Variants in B4GALNT3 observed in about 807,000 individuals in gnomAD.
B4GALNT3 encodes beta-1,4-N-acetyl-galactosaminyltransferase 3.
Under a neutral mutation model 120.2 loss-of-function variants are expected in B4GALNT3, and 86 were observed. The observed-to-expected ratio is 0.72, with a 90% CI of 0.60 to 0.86. The LOEUF (loss-of-function observed/expected upper bound fraction) is 0.86, where lower values mean the gene tolerates loss of function less well. Ranked by LOEUF, B4GALNT3 falls within the 40% of genes least tolerant of loss-of-function variation. B4GALNT3 has a pLI of 0.00. For missense variants in B4GALNT3, 1,167 were observed against 1,298.9 expected, an observed-to-expected ratio of 0.90 and a Z score of 1.56; for synonymous variants, 518 against 510.4, an observed-to-expected ratio of 1.01 and a Z score of -0.20.
chr12:539,718 C>T (rs1451301258), intron 3 of B4GALNT3, among the ~76,000 whole-genome samples: 1 of 151,968 alleles, frequency 6.6e-6, no homozygotes, highest in African/African-American at 2.4e-5. Flanking sequence ...TTTGAGACCA[C>T]CCTGGACAGC....
At chr12:519,558 A>G (rs563873800) in intron 1 of B4GALNT3, among the ~76,000 whole-genome samples, 5 of 147,356 alleles carry the variant, frequency 3.4e-5, no homozygotes, top group African/African-American at 1.3e-4. Context: ...TTCTCCTAGT[A>G]TTGGCTCCTT....
intron 1 of B4GALNT3, among the ~76,000 whole-genome samples, chr12:462,062 C>T (rs953325854): frequency 6.6e-6 from 1 of 152,176 alleles, no homozygotes; most frequent in Non-Finnish European, 1.5e-5. Flanking sequence ...GCCCCTTCCT[C>T]TGATGACCAA....
chr12:501,848 G>A lies in B4GALNT3; in HGVS notation c.170-33318G>A, dbSNP rs139969802. Among the ~76,000 whole-genome samples the A allele has an allele frequency of 2.6e-4, 40 of 152,308 alleles. 7 individuals carry two copies. The highest frequency in any genetic ancestry group is 3.9e-4 in the Admixed American group (6 of 15,300). On this transcript the variant is annotated intron_variant, in intron 1 of 19. Transcript: ENST00000266383. ...CTGGGAACCATGCTGTTCTCTTGTC[G>A]GTCATCTCTGCCTGTGTTTCTTCAC...
rs578179895 is a variant in B4GALNT3, at chr12:549,642, G to A, written c.854-127G>A. On this transcript the variant is annotated intron_variant, in intron 9 of 19. Transcript: ENST00000266383. ...CGGGGGCCAGAGGGAGTGTGGCTGC[G>A]CACATCCTACACCGTCGCCGCTGGA... is the stretch of plus-strand genomic sequence containing the variant. 391 of 1,210,166 alleles carry A rather than the reference G, an allele frequency of 3.2e-4. 3 individuals carry two copies. The South Asian group carries it at 4.1e-3, about 13-fold the overall frequency. The allele number at this position is 1,210,166 out of a possible 1,614,324, so 75.0% of individuals were successfully genotyped here. A position where few individuals can be genotyped will look rare whatever the true frequency, so the allele number is the denominator to read the frequency against.
At position 546,197 on chromosome 12, in the gene B4GALNT3, G is replaced by A. The variant is rs563348956; in HGVS notation, c.640-449G>A. On this transcript the variant is annotated intron_variant, in intron 6 of 19. Transcript: ENST00000266383. ...AGGGAGCAGTGAGAAGTGGGCAGGGGGTGTGAGAGGAGGGAGGGGGGTGTG... is the reference window on the plus strand; with the variant it reads ...AGGGAGCAGTGAGAAGTGGGCAGGGAGTGTGAGAGGAGGGAGGGGGGTGTG... Among the ~76,000 whole-genome samples, 257 of 103,452 alleles carry A rather than the reference G, an allele frequency of 2.5e-3. 2 individuals are homozygous for A. Among genetic ancestry groups the A allele is most frequent in the African/African-American group, 9.3e-3 (252 of 27,052 alleles). The allele number at this position is 103,452 out of a possible 152,430, so 67.9% of individuals were successfully genotyped here.
intron 1 of B4GALNT3, among the ~76,000 whole-genome samples, chr12:497,750 C>G (rs932417788): frequency 6.6e-6 from 1 of 152,182 alleles, no homozygotes; most frequent in African/African-American, 2.4e-5. Flanking sequence ...ACCTCCCGCT[C>G]TTTGTGTCTA....
Position 492,114 on chromosome 12 carries a change from ACT to A in B4GALNT3, c.169+31570_169+31571del, listed in dbSNP as rs1946346989. Among the ~76,000 whole-genome samples the A allele has an allele frequency of 3.3e-5, 5 of 152,022 alleles. No individual in the cohort carries two copies. The South Asian group carries it at 8.3e-4, about 25-fold the overall frequency. On this transcript the variant is annotated intron_variant, in intron 1 of 19. Transcript: ENST00000266383. ...TCTCACTGCTCCTTTTCAACATTAT[ACT>A]GGAAGTCCTATCTAATGCAATAAGA...
At chr12:478,298 T>A (rs961016402) in intron 1 of B4GALNT3, among the ~76,000 whole-genome samples, 379 of 109,300 alleles carry the variant, frequency 3.5e-3, no homozygotes, top group African/African-American at 5.4e-3. Context: ...AAAAAAAAAA[T>A]ATTCAAGCCT....
chr12:520,759 C>T (rs983078759), intron 1 of B4GALNT3, among the ~76,000 whole-genome samples: 1 of 147,776 alleles, frequency 6.8e-6, no homozygotes, highest in Non-Finnish European at 1.5e-5. Context: ...CCACTGCGCT[C>T]CAGCCTGGGT....
intron 4 of B4GALNT3, 85 bp downstream of exon 4, chr12:544,519 T>C (rs1946967068): frequency 2.4e-6 from 3 of 1,243,426 alleles, no homozygotes; most frequent in African/African-American, 3.0e-5. Context: ...CCTTACATCT[T>C]TTCTGGTCCA....
chr12:544,018 C>T (rs183913138), intron 3 of B4GALNT3, among the ~76,000 whole-genome samples: 55 of 70,838 alleles, frequency 7.8e-4, no homozygotes, highest in African/African-American at 2.2e-3. Flanking sequence ...CTCATCTTCC[C>T]GGAGCTGAGG....
At chr12:512,591 G>A (rs1252306066) in intron 1 of B4GALNT3, among the ~76,000 whole-genome samples, 1 of 28,420 alleles carries the variant, frequency 3.5e-5, no homozygotes, top group Non-Finnish European at 6.7e-5. Context: ...TTCCACCTTC[G>A]AGCTTCCACC....
intron 1 of B4GALNT3, among the ~76,000 whole-genome samples, chr12:528,997 G>A (rs1231312199): frequency 3.9e-5 from 6 of 152,178 alleles, no homozygotes; most frequent in Non-Finnish European, 7.4e-5. Context: ...AGCCAATCAT[G>A]TACGTTCACC....
rs992705224 is a variant in B4GALNT3 at position 521,821 on chromosome 12, G to A, written c.170-13345G>A. 5.3e-5 allele frequency among the ~76,000 whole-genome samples: 8 copies of A among 152,276 alleles called. No homozygotes were observed. The South Asian group carries it at 6.2e-4, about 12-fold the overall frequency. ...AACCAACAGTTCGCAGACCTCTATC[G>A]GCACTGAGCTGGAGCTTCCATGGGA... On this transcript the variant is annotated intron_variant, in intron 1 of 19. Coordinates refer to ENST00000266383, the MANE Select transcript of B4GALNT3 (RefSeq NM_173593.4).
chr12:506,101 G>A (rs1946494706), intron 1 of B4GALNT3, among the ~76,000 whole-genome samples: 2 of 85,250 alleles, frequency 2.3e-5, no homozygotes, highest in African/African-American at 7.3e-5. Context: ...ATTCTATGCA[G>A]TTCAGATTTT....
intron 1 of B4GALNT3, among the ~76,000 whole-genome samples, chr12:464,560 A>G (rs1380701655): frequency 6.6e-6 from 1 of 152,078 alleles, no homozygotes; most frequent in East Asian, 1.9e-4. Flanking sequence ...TTAACTCAGG[A>G]GGCAGAGGTT....
rs775824448 is a variant in B4GALNT3, at chr12:553,361, G to A, written c.1438G>A (p.Ala480Thr). The change falls in exon 14 of 20, where the codon GCT (alanine) becomes ACT (threonine). Residue 480 changes from alanine to threonine, a missense_variant. Transcript: ENST00000266383. ...YRLRSLRKLL[A>T]QPREGLLAPF... ...CCTCCGAAGCCTGCGGAAACTCCTG[G>A]CTCAGCCCCGGGAGGGCCTGCTGGC... 7.4e-6 allele frequency: 12 copies of A among 1,613,782 alleles called. No individual in the cohort carries two copies. Among genetic ancestry groups the A allele is most frequent in the South Asian group, 1.1e-5 (1 of 91,086 alleles).
At chr12:512,540 A>C (rs1291909814) in intron 1 of B4GALNT3, among the ~76,000 whole-genome samples, 1 of 87,514 alleles carries the variant, frequency 1.1e-5, no homozygotes, top group Non-Finnish European at 2.3e-5. Flanking sequence ...TCCACCTTCA[A>C]CCTTCCACCT....
chr12:538,728 A>G (rs912696605), intron 3 of B4GALNT3, among the ~76,000 whole-genome samples: 1 of 152,152 alleles, frequency 6.6e-6, no homozygotes, highest in Non-Finnish European at 1.5e-5. Context: ...CTCTTATTTT[A>G]TCAATGAGGA....
Sources: allele counts gnomAD v4.1 joint callset (sites outside exome capture counted in the v4.1 genomes callset), GRCh38; gene constraint gnomAD v4.1.1; transcripts MANE v1.5; gene names NCBI Gene and HGNC (gene_info 2026-07-23, HGNC 2026-07-21).